The following SNED1 variants were observed in gnomAD, a reference collection of about 807,000 sequenced individuals.
SNED1 encodes the protein sushi, nidogen and EGF-like domain-containing protein 1.
Under a neutral mutation model 166.7 loss-of-function variants are expected in SNED1, and 81 were observed. That is an observed-to-expected ratio of 0.49 (90% CI 0.41 to 0.58). The LOEUF is 0.58. Among genes scored for constraint, SNED1 ranks in the 20% least tolerant of loss-of-function variants. The pLI, the probability that SNED1 is intolerant of heterozygous loss-of-function variation, is 0.00. For synonymous variants in SNED1, 762 were observed against 822.0 expected (o/e 0.93, Z 1.25); for missense variants, 1,604 against 2,000.2 (o/e 0.80, Z 3.78).
rs2059990731 is a variant in SNED1 at position 240,998,784 on chromosome 2, A to G, written c.-54A>G. 2.2e-6 allele frequency: 2 copies of G among 918,408 alleles called. No individual in the cohort carries two copies. The highest frequency in any genetic ancestry group is 2.7e-6 in the Non-Finnish European group (2 of 744,682). 56.9% of individuals were successfully genotyped at this position (918,408 alleles called of 1,614,324 possible). On this transcript the variant is annotated 5_prime_UTR_variant, in exon 1 of 32. Coordinates refer to ENST00000310397, the MANE Select transcript of SNED1 (RefSeq NM_001080437.3). ...TGCCGGCCACCCCCGCGCGCAGCCT[A>G]GTCCCCCAGCGCCCTGCTCCGCCAG...
Position 241,069,905 on chromosome 2 carries a change from TC to T in SNED1, c.3308-13del, listed in dbSNP as rs1230024298. 9.3e-6 allele frequency: 15 copies of T among 1,609,968 alleles called. No homozygotes were observed. The highest frequency in any genetic ancestry group is 1.2e-5 in the Non-Finnish European group (14 of 1,178,106). ...TGGGCACCCCCTCACCTCTCCCTGC[TC>T]CTGCCTCATCCAGGGCCCCTGCCTC... On this transcript the variant is annotated splice_polypyrimidine_tract_variant and intron_variant, in intron 23 of 31. Coordinates refer to ENST00000310397, the MANE Select transcript of SNED1 (RefSeq NM_001080437.3). This position sits in a 1 kb window ranked among gnomAD's most constrained non-coding sequence, Gnocchi z 4.9.
chr2:241,037,396 A>G (rs997173251), intron 6 of SNED1, 43 bp downstream of exon 6: 5 of 1,331,764 alleles, frequency 3.8e-6, no homozygotes, highest in Non-Finnish European at 5.3e-6. Flanking sequence ...TGCTGGGGGC[A>G]GGATAGCGGG....
At chr2:241,059,692 T>C (rs1424728012) in intron 16 of SNED1, among the ~76,000 whole-genome samples, 4 of 152,262 alleles carry the variant, frequency 2.6e-5, no homozygotes, top group African/African-American at 4.8e-5. Context: ...TATATCTCAA[T>C]AGATGCAGGA....
chr2:241,050,618 C>T (rs889237751), intron 12 of SNED1, among the ~76,000 whole-genome samples: 2 of 152,198 alleles, frequency 1.3e-5, no homozygotes, highest in Non-Finnish European at 2.9e-5. Flanking sequence ...AGCCCTGGAC[C>T]CCGTGGCTCC....
intron 27 of SNED1, among the ~76,000 whole-genome samples, chr2:241,078,557 T>G (rs1367421027): frequency 6.6e-6 from 1 of 151,740 alleles, no homozygotes; most frequent in African/African-American, 2.4e-5. Flanking sequence ...CTATGTACTA[T>G]GATTCCATTC....
intron 25 of SNED1, 31 bp downstream of exon 25, chr2:241,071,751 C>G: frequency 6.5e-7 from 1 of 1,543,752 alleles, no homozygotes. Context: ...CCCCATCGCC[C>G]GAGGCGGCGC....
At chr2:241,049,773 AT>A in intron 11 of SNED1, 43 bp from the exon 12 acceptor site, 1 of 1,488,510 alleles carries the variant, frequency 6.7e-7, no homozygotes, top group Non-Finnish European at 9.4e-7. Context: ...GCCCGCACAG[AT>A]GCGGCGTAAG....
chr2:241,086,114 G>A (rs895242788), intron 29 of SNED1, among the ~76,000 whole-genome samples: 3 of 152,176 alleles, frequency 2.0e-5, no homozygotes, highest in South Asian at 2.1e-4. Context: ...TGATCGGCCC[G>A]CCTTGGCCTC....
Position 241,034,663 on chromosome 2 carries a change from T to C in SNED1, c.738T>C (p.Gly246=). The change falls in exon 4 of 32, where the codon GGT becomes GGC. Residue 246 remains glycine (G), a synonymous_variant. Coordinates refer to ENST00000310397, the MANE Select transcript of SNED1 (RefSeq NM_001080437.3). ...MAEVETTTNV[G]VPGRWAFRID... ...AGGTGGAGACCACCACCAACGTGGG[T>C]GTGCCCGGGCGCTGGGCGTTCAGAA... 1 of 1,609,996 alleles carries C rather than the reference T, an allele frequency of 6.2e-7. No homozygotes were observed. Among genetic ancestry groups the C allele is most frequent in the South Asian group, 1.1e-5 (1 of 90,562 alleles).
chr2:241,072,826 G>T, intron 26 of SNED1: 1 of 201,064 alleles, frequency 5.0e-6, no homozygotes, highest in South Asian at 1.1e-4. Context: ...TGCATAAGAA[G>T]TGATGCAGTT....
chr2:241,039,511 CAAG>C (rs897355035), intron 6 of SNED1, among the ~76,000 whole-genome samples: 1 of 152,106 alleles, frequency 6.6e-6, no homozygotes, highest in African/African-American at 2.4e-5. Flanking sequence ...GCTCTGGACT[CAAG>C]GAGGGCCAGC....
intron 1 of SNED1, among the ~76,000 whole-genome samples, chr2:241,000,783 G>A (rs1277718311): frequency 6.6e-6 from 1 of 152,204 alleles, no homozygotes; most frequent in Non-Finnish European, 1.5e-5. Context: ...GCTTTTTCCT[G>A]AAACAAAGAT....
chr2:241,065,743 C>A, intron 21 of SNED1, 148 bp downstream of exon 21: 2 of 714,412 alleles, frequency 2.8e-6, no homozygotes, highest in Non-Finnish European at 4.6e-6. Context: ...GGGTTGGAGG[C>A]ACCGCCCTGC....
In SNED1 at chr2:241,069,782, G is replaced by A. The variant is rs1055377124; in HGVS notation, c.3308-138G>A. 1.2e-5 allele frequency: 12 copies of A among 988,276 alleles called. No homozygotes were observed. The highest frequency in any genetic ancestry group is 2.6e-5 in the Admixed American group (1 of 38,428). 61.2% of individuals were successfully genotyped at this position (988,276 alleles called of 1,614,324 possible). A position where few individuals can be genotyped will look rare whatever the true frequency, so the allele number is the denominator to read the frequency against. On this transcript the variant is annotated intron_variant, in intron 23 of 31. Coordinates refer to ENST00000310397, the MANE Select transcript of SNED1 (RefSeq NM_001080437.3). This position sits in a 1 kb window ranked among gnomAD's most constrained non-coding sequence, Gnocchi z 4.9. ...TACGTGCCAGCCCACACCCCGCCTCGGCACTGTACCATTCTCCATAATAAA... is the reference window on the plus strand; with the variant it reads ...TACGTGCCAGCCCACACCCCGCCTCAGCACTGTACCATTCTCCATAATAAA...
chr2:241,000,699 G>T (rs565005610), intron 1 of SNED1, among the ~76,000 whole-genome samples: 1 of 152,274 alleles, frequency 6.6e-6, no homozygotes, highest in Non-Finnish European at 1.5e-5. Context: ...AACGTGGGAA[G>T]ATCTGCTAGG....
At chr2:241,085,537 T>C (rs1216171438) in intron 29 of SNED1, among the ~76,000 whole-genome samples, 1 of 152,204 alleles carries the variant, frequency 6.6e-6, no homozygotes, top group Non-Finnish European at 1.5e-5. Flanking sequence ...AAGGTCCTCA[T>C]CTGCTATTTC....
At chr2:241,078,300 T>A (rs746371946) in intron 27 of SNED1, among the ~76,000 whole-genome samples, 3 of 150,708 alleles carry the variant, frequency 2.0e-5, no homozygotes, top group African/African-American at 4.9e-5. Flanking sequence ...GGAGAATCGC[T>A]TGAACCCGGG....
chr2:241,083,367 C>T (rs2063423179), intron 29 of SNED1, among the ~76,000 whole-genome samples: 2 of 139,522 alleles, frequency 1.4e-5, no homozygotes, highest in Admixed American at 7.0e-5. Context: ...CACAGAAGGA[C>T]TCTGGTGTTT....
At chr2:241,090,535 T>TATG in intron 31 of SNED1, 2 of 1,411,908 alleles carry the variant, frequency 1.4e-6, no homozygotes, top group Admixed American at 4.6e-5. Flanking sequence ...TACATAATTG[T>TATG]ATGTGCTAGA....
Sources: gnomAD v4.1 joint callset for allele counts (sites outside exome capture counted in the v4.1 genomes callset) on GRCh38, gnomAD v4.1.1 for gene constraint, Gnocchi (gnomAD v3.1) non-coding constraint, MANE v1.5 for transcripts, NCBI Gene and HGNC (gene_info 2026-07-23, HGNC 2026-07-21) for gene names.